NXN: variants seen among roughly 807,000 people sequenced by gnomAD.
NXN encodes the protein nucleoredoxin.
NXN carries 16 observed loss-of-function variants against 48.6 expected under a neutral mutation model. The ratio of observed to expected loss-of-function variants is 0.33; its 90% confidence interval spans 0.22 to 0.50. The LOEUF is 0.50. Among genes scored for constraint, NXN ranks in the 20% least tolerant of loss-of-function variants. The pLI, the probability that NXN is intolerant of heterozygous loss-of-function variation, is 0.98. For synonymous variants in NXN, 281 were observed against 269.6 expected (o/e 1.04, Z -0.41); for missense variants, 492 against 605.5 (o/e 0.81, Z 1.97).
chr17:824,402 C>T (rs1373257829), intron 2 of NXN, among the ~76,000 whole-genome samples: 2 of 152,166 alleles, frequency 1.3e-5, no homozygotes, highest in Non-Finnish European at 2.9e-5. Context: ...AGGCTGGAGA[C>T]CCAGGGGCAA....
chr17:822,346 G>T lies in NXN; in HGVS notation c.713+11C>A. The T allele has an allele frequency of 6.2e-7, 1 of 1,600,048 alleles. No individual in the cohort carries two copies. On this transcript the variant is annotated intron_variant, in intron 4 of 7. Coordinates refer to ENST00000336868, the MANE Select transcript of NXN (RefSeq NM_022463.5). ...CAGAAAAGGGGCCCAGCACTTCACG[G>T]CACGACTGACCTGTCTGCACTAACG... is the stretch of plus-strand genomic sequence containing the variant.
rs1219580837 is a variant in NXN, at chr17:826,022, G to A, written c.417C>T (p.Asp139=). The A allele has an allele frequency of 1.2e-5, 19 of 1,613,922 alleles. No individual in the cohort carries two copies. The highest frequency in any genetic ancestry group is 8.9e-5 in the East Asian group (4 of 44,896). Residue 139 remains aspartate, a synonymous_variant, in exon 2 of 8, where the codon GAC becomes GAT. Coordinates refer to ENST00000336868, the MANE Select transcript of NXN (RefSeq NM_022463.5). ...ISNIPSLIFL[D]ATTGKVVCRN... ...TGCACACAACCTTCCCAGTGGTGGC[G>A]TCGAGGAATATTAGTGATGGAATGT...
chr17:958,627 C>T lies in NXN; in HGVS notation c.360+20692G>A, dbSNP rs150923852. On this transcript the variant is annotated intron_variant, in intron 1 of 7. Transcript: ENST00000336868. This position sits in a 1 kb window ranked among gnomAD's most constrained non-coding sequence, Gnocchi z 6.9. Reference sequence around the variant, plus strand: ...CTGTACTAAAAATACAAAAATTAGCCAGGCGTGGTGGCGTGCGCCTGTAGT... The same window carrying T: ...CTGTACTAAAAATACAAAAATTAGCTAGGCGTGGTGGCGTGCGCCTGTAGT... 0.011 allele frequency among the ~76,000 whole-genome samples: 1,614 copies of T among 152,150 alleles called. 36 individuals carry two copies. The highest frequency in any genetic ancestry group is 0.037 in the African/African-American group (1,547 of 41,472).
chr17:955,691 T>C (rs2150622732), intron 1 of NXN, among the ~76,000 whole-genome samples: 1 of 148,020 alleles, frequency 6.8e-6, no homozygotes, highest in Non-Finnish European at 1.5e-5. Flanking sequence ...GGTCAGGAGA[T>C]TGAGACCATC....
chr17:922,259 C>A (rs753668063), intron 1 of NXN, among the ~76,000 whole-genome samples: 1 of 151,978 alleles, frequency 6.6e-6, no homozygotes, highest in African/African-American at 2.4e-5. Context: ...CTGGCCAACA[C>A]GGTGAAACCT....
At chr17:878,457 T>A (rs978049298) in intron 1 of NXN, among the ~76,000 whole-genome samples, 9 of 23,462 alleles carry the variant, frequency 3.8e-4, no homozygotes, top group South Asian at 2.1e-3. Flanking sequence ...CGGGCGGGGG[T>A]GGGGGGACCT....
rs2068464288 is a variant in NXN, at chr17:895,152, G to A, written c.361-69074C>T. On this transcript the variant is annotated intron_variant, in intron 1 of 7. Transcript: ENST00000336868. ...CTGCCTCAGCCTCCCGAGTAGCTGG[G>A]ATTACAGGCACCCACCACCACGCCC... 2.6e-5 allele frequency among the ~76,000 whole-genome samples: 4 copies of A among 151,440 alleles called. No individual in the cohort carries two copies. In the South Asian group the frequency reaches 8.4e-4, roughly 32 times the overall value.
At chr17:824,506 C>T (rs751761569) in intron 2 of NXN, among the ~76,000 whole-genome samples, 17 of 152,180 alleles carry the variant, frequency 1.1e-4, no homozygotes, top group Non-Finnish European at 2.5e-4. Flanking sequence ...GGAATCAACC[C>T]GATACCCGGG....
At chr17:863,742 T>C (rs972236429) in intron 1 of NXN, 1 of 577,222 alleles carries the variant, frequency 1.7e-6, no homozygotes, top group Non-Finnish European at 3.1e-6. Flanking sequence ...GGATTACAGG[T>C]GTGAGCCTCT....
intron 1 of NXN, among the ~76,000 whole-genome samples, chr17:848,942 C>A (rs2067894472): frequency 6.6e-6 from 1 of 152,194 alleles, no homozygotes; most frequent in African/African-American, 2.4e-5. Context: ...TGTGCCTGGT[C>A]CTTTTTCATC....
chr17:803,682 C>T lies in NXN; in HGVS notation c.1125G>A (p.Glu375=). 1 of 1,614,188 alleles carries T rather than the reference C, an allele frequency of 6.2e-7. No individual in the cohort carries two copies. The highest frequency in any genetic ancestry group is 8.5e-7 in the Non-Finnish European group (1 of 1,180,028). ...EAPLLFFVAG[E]DDMTDSLRDY... ...GGCCAAGCCTCTCCTCCGCACTCACCTCCCCGGCTACGAAGAACAGAAGGG... is the reference window on the plus strand; with the variant it reads ...GGCCAAGCCTCTCCTCCGCACTCACTTCCCCGGCTACGAAGAACAGAAGGG... Residue 375 remains glutamate, a splice_region_variant and synonymous_variant, in exon 7 of 8, where the codon GAG becomes GAA. Transcript: ENST00000336868.
chr17:922,791 A>G (rs2068761266), intron 1 of NXN, among the ~76,000 whole-genome samples: 2 of 151,420 alleles, frequency 1.3e-5, no homozygotes, highest in Non-Finnish European at 2.9e-5. Flanking sequence ...AGCTGGGACT[A>G]CAGGTGCCCG....
intron 1 of NXN, among the ~76,000 whole-genome samples, chr17:971,627 G>A (rs13353195): frequency 0.11 from 17,071 of 151,568 alleles, 1,909 homozygotes; most frequent in African/African-American, 0.29. Context: ...GGAGAATGGC[G>A]TGAACCGGGA....
chr17:865,802 G>A (rs956840038), intron 1 of NXN, among the ~76,000 whole-genome samples: 4 of 151,766 alleles, frequency 2.6e-5, no homozygotes, highest in African/African-American at 9.7e-5. Context: ...TGACCAACAT[G>A]GAGAAACCCC....
At chr17:842,990 GAGAA>G (rs1166218565) in intron 1 of NXN, among the ~76,000 whole-genome samples, 1 of 106,638 alleles carries the variant, frequency 9.4e-6, no homozygotes, top group African/African-American at 4.0e-5. Context: ...GAGAGAAAGA[GAGAA>G]AGAGAGAAAG....
chr17:848,001 A>G (rs944843639), intron 1 of NXN, among the ~76,000 whole-genome samples: 1 of 152,012 alleles, frequency 6.6e-6, no homozygotes, highest in African/African-American at 2.4e-5. Context: ...TGCTACATAA[A>G]GTTGTTACAA....
intron 5 of NXN, among the ~76,000 whole-genome samples, chr17:816,913 G>C (rs1243243376): frequency 6.6e-6 from 1 of 152,094 alleles, no homozygotes; most frequent in African/African-American, 2.4e-5. Flanking sequence ...CCCCAGGCAC[G>C]GGCACCTTAA....
intron 1 of NXN, among the ~76,000 whole-genome samples, chr17:921,971 C>T (rs2068754425): frequency 6.6e-6 from 1 of 152,256 alleles, no homozygotes; most frequent in African/African-American, 2.4e-5. Context: ...ACCTGCTTCT[C>T]CCTCTGTATT....
At chr17:894,029 GAAGCCAGAGGAAGC>G in intron 1 of NXN, among the ~76,000 whole-genome samples, 1 of 101,528 alleles carries the variant, frequency 9.8e-6, no homozygotes, top group African/African-American at 4.0e-5. Context: ...CAACTCCCTG[GAAGCCAGAGGAAGC>G]ATCTCAACTC....
Sources: allele counts gnomAD v4.1 joint callset (sites outside exome capture counted in the v4.1 genomes callset), GRCh38; gene constraint gnomAD v4.1.1; non-coding constraint Gnocchi (gnomAD v3.1); transcripts MANE v1.5; gene names NCBI Gene and HGNC (gene_info 2026-07-23, HGNC 2026-07-21).